The following ITSN1 variants were observed in gnomAD, a reference collection of about 807,000 sequenced individuals.
ITSN1 encodes the protein intersectin 1.
A neutral mutation model predicts 239.8 loss-of-function variants in ITSN1; 58 were observed. The ratio of observed to expected loss-of-function variants is 0.24; its 90% CI spans 0.20 to 0.30. ITSN1 has a LOEUF of 0.30. Among genes scored for constraint, ITSN1 ranks in the 10% least tolerant of loss-of-function variants. The probability of loss-of-function intolerance (pLI) is 1.00; values close to 1 mark genes in which losing one functional copy is unlikely to be tolerated. For missense variants in ITSN1, 1,558 were observed against 2,103.3 expected (o/e 0.74, Z 5.07); for synonymous variants, 780 against 770.8 (o/e 1.01, Z -0.20).
At chr21:33,747,229 G>A (rs1023491455) in intron 5 of ITSN1, among the ~76,000 whole-genome samples, 2 of 152,096 alleles carry the variant, frequency 1.3e-5, no homozygotes, top group African/African-American at 4.8e-5. Flanking sequence ...GCAGATTCAA[G>A]ATAGCAGAAG....
chr21:33,682,584 A>T (rs918948635), intron 1 of ITSN1, among the ~76,000 whole-genome samples: 15 of 152,082 alleles, frequency 9.9e-5, no homozygotes, highest in African/African-American at 3.4e-4. Flanking sequence ...GGAAGAATAC[A>T]GTGGCACCAT....
At chr21:33,843,144 C>T (rs886485234) in intron 29 of ITSN1, among the ~76,000 whole-genome samples, 1 of 152,186 alleles carries the variant, frequency 6.6e-6, no homozygotes, top group Non-Finnish European at 1.5e-5. Flanking sequence ...TCGGGAAACA[C>T]AGTGATGTTC....
Position 33,811,120 on chromosome 21 carries a change from C to T in ITSN1, c.2465C>T (p.Ala822Val). Reference sequence around the variant, plus strand: ...AAACCAGTGACTGATTCAACATCTGCCCCTGCCCCCAAACTGGCCTTGCGT... The same window carrying T: ...AAACCAGTGACTGATTCAACATCTGTCCCTGCCCCCAAACTGGCCTTGCGT... ...PVKPVTDSTSAPAPKLALRET... is the reference protein window; with the variant it reads ...PVKPVTDSTSVPAPKLALRET... Residue 822 changes from alanine to valine, a missense_variant, in exon 21 of 40, where the codon GCC (alanine) becomes GTC (valine). Ala to Val is a moderately conservative substitution (Grantham distance 64). This residue lies in a region of ITSN1 where 982 missense variants were observed against 1,209.9 expected (regional missense o/e 0.81). Coordinates refer to ENST00000381318, the MANE Select transcript of ITSN1 (RefSeq NM_003024.3). 6.2e-7 allele frequency: 1 copy of T among 1,614,110 alleles called. No individual in the cohort carries two copies. The highest frequency in any genetic ancestry group is 8.5e-7 in the Non-Finnish European group (1 of 1,179,982).
chr21:33,818,208 G>A lies in ITSN1; in HGVS notation c.2728-59G>A, dbSNP rs1387352892. 2.1e-6 allele frequency: 3 copies of A among 1,438,524 alleles called. No homozygotes were observed. The Admixed American group carries it at 5.1e-5, about 24-fold the overall frequency. 89.1% of individuals were successfully genotyped at this position (1,438,524 alleles called of 1,614,324 possible). ...TTGGAGAGGTGCCATGCTCACGTCT[G>A]CCCTAATTGATAACAAAGCGCAACA... On this transcript the variant is annotated intron_variant, in intron 22 of 39. Coordinates refer to ENST00000381318, the MANE Select transcript of ITSN1 (RefSeq NM_003024.3).
In ITSN1 at chr21:33,763,251, A is replaced by C. The variant is rs1386841110; in HGVS notation, c.788+1265A>C. ...AACCAAAAAAAAAAAAAAAAAAAAA[A>C]AACTCCGTTAAAAACAAACCAGATC... is the stretch of plus-strand genomic sequence containing the variant. On this transcript the variant is annotated intron_variant, in intron 9 of 39. Coordinates refer to ENST00000381318, the MANE Select transcript of ITSN1 (RefSeq NM_003024.3). 2.0e-5 allele frequency among the ~76,000 whole-genome samples: 3 copies of C among 151,618 alleles called. No homozygotes were observed. The East Asian group carries it at 5.8e-4, about 29-fold the overall frequency.
At chr21:33,749,641 C>CAA (rs558593343) in intron 5 of ITSN1, among the ~76,000 whole-genome samples, 11 of 130,220 alleles carry the variant, frequency 8.4e-5, no homozygotes, top group African/African-American at 2.5e-4. Flanking sequence ...GACTCCATCT[C>CAA]AAAAAAAAAA....
At chr21:33,705,184 T>C (rs2092201543) in intron 1 of ITSN1, among the ~76,000 whole-genome samples, 1 of 151,680 alleles carries the variant, frequency 6.6e-6, no homozygotes, top group African/African-American at 2.4e-5. Flanking sequence ...GTTGTTTTTA[T>C]ATTGGATCAG....
rs1040345503 is a variant in ITSN1 at position 33,891,970 on chromosome 21, CCCTT to C, written c.*3675_*3678del. ...TGATTTGATTTGATTTCTAAGTTCT[CCCTT>C]CCTTTTCAAGGTTAGCGATGTGCTT... On this transcript the variant is annotated 3_prime_UTR_variant, in exon 40 of 40. Transcript: ENST00000381318. 2 of 152,174 alleles carry C rather than the reference CCCTT, an allele frequency of 1.3e-5. No individual in the cohort carries two copies. Among genetic ancestry groups the C allele is most frequent in the African/African-American group, 4.8e-5 (2 of 41,434 alleles). The allele number at this position is 152,174 out of a possible 1,614,324, so 9.4% of individuals were successfully genotyped here.
At chr21:33,719,787 G>A (rs1247153668) in intron 2 of ITSN1, among the ~76,000 whole-genome samples, 4 of 152,116 alleles carry the variant, frequency 2.6e-5, no homozygotes, top group African/African-American at 9.7e-5. Context: ...AAACATATCA[G>A]TCTGCATAAA....
chr21:33,835,216 C>T (rs2074533862), intron 28 of ITSN1, among the ~76,000 whole-genome samples: 1 of 152,116 alleles, frequency 6.6e-6, no homozygotes. Flanking sequence ...GATGGGCAAA[C>T]TTTGTGATGA....
At chr21:33,848,725 T>G (rs1301164738) in intron 29 of ITSN1, among the ~76,000 whole-genome samples, 2 of 152,208 alleles carry the variant, frequency 1.3e-5, no homozygotes, top group Admixed American at 6.5e-5. Context: ...TGACTCACCA[T>G]CACGCAGAGA....
In ITSN1 at chr21:33,890,612, G is replaced by A. The variant is rs143480866; in HGVS notation, c.*2312G>A. The A allele has an allele frequency of 2.6e-5, 4 of 152,268 alleles. No homozygotes were observed. In the East Asian group the frequency reaches 7.7e-4, roughly 29 times the overall value. The allele number at this position is 152,268 out of a possible 1,614,324, so 9.4% of individuals were successfully genotyped here. A position where few individuals can be genotyped will look rare whatever the true frequency, so the allele number is the denominator to read the frequency against. On this transcript the variant is annotated 3_prime_UTR_variant, in exon 40 of 40. Transcript: ENST00000381318. ...AACCAATTGTCCGTATGGAGGAGTC[G>A]GGCTGGCCCTCGGACCCAGCTGTGA... is the stretch of plus-strand genomic sequence containing the variant.
In ITSN1 at chr21:33,877,057, ACC is replaced by A. The variant is rs1464272202; in HGVS notation, c.4341+1537_4341+1538del. Among the ~76,000 whole-genome samples, 71 of 28,916 alleles carry A rather than the reference ACC, an allele frequency of 2.5e-3. 4 individuals carry two copies. Among genetic ancestry groups the A allele is most frequent in the African/African-American group, 3.5e-3 (15 of 4,226 alleles). 19.0% of individuals were successfully genotyped at this position (28,916 alleles called of 152,430 possible). A position where few individuals can be genotyped will look rare whatever the true frequency, so the allele number is the denominator to read the frequency against. ...GTTCCTTAGAACTTTACCTGTGGGC[ACC>A]TTTTTTTTTTTTGAAATGGAGTCTC... On this transcript the variant is annotated intron_variant, in intron 34 of 39. Coordinates refer to ENST00000381318, the MANE Select transcript of ITSN1 (RefSeq NM_003024.3).
chr21:33,817,322 C>CGAG, intron 22 of ITSN1: 1 of 1,304,406 alleles, frequency 7.7e-7, no homozygotes, highest in Non-Finnish European at 1.0e-6. Flanking sequence ...TGTTCCACCT[C>CGAG]GAGGCTTTTG....
At chr21:33,650,791 A>G (rs2088446691) in intron 1 of ITSN1, among the ~76,000 whole-genome samples, 1 of 152,238 alleles carries the variant, frequency 6.6e-6, no homozygotes, top group African/African-American at 2.4e-5. Context: ...GCAGATTTCA[A>G]TGAATAGTAG....
chr21:33,853,167 CT>C (rs1047607831), intron 29 of ITSN1, among the ~76,000 whole-genome samples: 1 of 152,212 alleles, frequency 6.6e-6, no homozygotes, highest in Non-Finnish European at 1.5e-5. Flanking sequence ...CCCCACAAAA[CT>C]TTTGCTTTTC....
chr21:33,789,292 A>G (rs565812962), intron 16 of ITSN1, among the ~76,000 whole-genome samples: 87 of 152,312 alleles, frequency 5.7e-4, no homozygotes, highest in African/African-American at 1.9e-3. Flanking sequence ...GATATTATAG[A>G]TAAACACCTG....
At chr21:33,762,051 T>TG in intron 9 of ITSN1, 65 bp downstream of exon 9, 1 of 1,193,670 alleles carries the variant, frequency 8.4e-7, no homozygotes, top group South Asian at 1.2e-5. Context: ...TGTGGCCTCA[T>TG]GGGTTTTAGA....
intron 4 of ITSN1, among the ~76,000 whole-genome samples, chr21:33,724,602 T>C (rs1026525422): frequency 1.3e-5 from 2 of 152,248 alleles, no homozygotes; most frequent in Non-Finnish European, 2.9e-5. Flanking sequence ...TCAAAGTTCA[T>C]TTATTCTTTC....
Sources: allele counts gnomAD v4.1 joint callset (sites outside exome capture counted in the v4.1 genomes callset), GRCh38; gene constraint gnomAD v4.1.1; regional missense constraint gnomAD v4.1.1; transcripts MANE v1.5; gene names NCBI Gene and HGNC (gene_info 2026-07-23, HGNC 2026-07-21).